The following JPT1 variants were observed in gnomAD, a reference collection of about 807,000 sequenced individuals.
JPT1 encodes the protein androgen-regulated protein 2.
In JPT1, 5 loss-of-function variants were observed where a neutral mutation model predicts 17.0. The observed-to-expected ratio is 0.29, with a 90% CI of 0.15 to 0.62. JPT1 has a LOEUF of 0.62. Among genes scored for constraint, JPT1 ranks in the 20% least tolerant of loss-of-function variants. The probability of loss-of-function intolerance (pLI) is 0.85; values close to 1 mark genes in which losing one functional copy is unlikely to be tolerated. For synonymous variants in JPT1, 71 were observed against 73.6 expected (o/e 0.96, Z 0.18); for missense variants, 158 against 188.1 (o/e 0.84, Z 0.94).
chr17:75,137,737 TC>T (rs2074233655), intron 4 of JPT1, among the ~76,000 whole-genome samples: 1 of 137,702 alleles, frequency 7.3e-6, no homozygotes, highest in Non-Finnish European at 1.5e-5. Flanking sequence ...AACCTCTGCC[TC>T]CTGGGTTCAA....
chr17:75,150,750 A>G (rs2074532952), intron 1 of JPT1, among the ~76,000 whole-genome samples: 1 of 151,986 alleles, frequency 6.6e-6, no homozygotes, highest in Admixed American at 6.6e-5. Flanking sequence ...GAATATGGAA[A>G]GACTTTCTAA....
At chr17:75,142,874 G>A (rs1052130428) in intron 4 of JPT1, 11 of 411,160 alleles carry the variant, frequency 2.7e-5, no homozygotes, top group African/African-American at 4.3e-5. Context: ...ATATACATAC[G>A]TATATGAAAA....
At chr17:75,141,639 G>A (rs1455715005) in intron 4 of JPT1, among the ~76,000 whole-genome samples, 2 of 150,808 alleles carry the variant, frequency 1.3e-5, no homozygotes, top group Non-Finnish European at 3.0e-5. Context: ...GCGACAGAGT[G>A]AGACTCTCAA....
intron 1 of JPT1, 118 bp from the exon 2 acceptor site, chr17:75,148,789 C>A: frequency 8.5e-7 from 1 of 1,170,968 alleles, no homozygotes; most frequent in African/African-American, 1.5e-5. Flanking sequence ...ACCCCTACAA[C>A]AGATAGCTGC....
At chr17:75,146,423 G>A (rs1332428420) in intron 4 of JPT1, 1 of 402,818 alleles carries the variant, frequency 2.5e-6, no homozygotes, top group Non-Finnish European at 4.5e-6. Context: ...AAAGTGTTGA[G>A]ATTACAGGCG....
chr17:75,151,541 G>A (rs532596600), intron 1 of JPT1, among the ~76,000 whole-genome samples: 6 of 152,036 alleles, frequency 3.9e-5, no homozygotes, highest in South Asian at 2.1e-4. Context: ...CTGTAGTCCC[G>A]ACTATTCAGG....
Position 75,154,410 on chromosome 17 carries a change from C to T in JPT1, c.-13G>A, listed in dbSNP as rs1327605506. ...TGGTTGTGGTCATGGCGCCGAGGAG[C>T]GAGGTAGGCTGGCGCCGGAGCAGAA... On this transcript the variant is annotated 5_prime_UTR_variant, in exon 1 of 5. Transcript: ENST00000409753. The T allele has an allele frequency of 2.6e-6, 4 of 1,547,730 alleles. No homozygotes were observed. Among genetic ancestry groups the T allele is most frequent in the Non-Finnish European group, 2.6e-6 (3 of 1,145,594 alleles).
At chr17:75,150,757 C>G (rs1209833191) in intron 1 of JPT1, among the ~76,000 whole-genome samples, 1 of 151,282 alleles carries the variant, frequency 6.6e-6, no homozygotes. Context: ...GAAAGACTTT[C>G]TAACTACTGA....
intron 4 of JPT1, among the ~76,000 whole-genome samples, chr17:75,139,066 C>T (rs531234548): frequency 2.0e-5 from 3 of 152,170 alleles, no homozygotes; most frequent in Non-Finnish European, 1.5e-5. Flanking sequence ...AGATCAAATG[C>T]ACTGGATCAG....
intron 4 of JPT1, among the ~76,000 whole-genome samples, chr17:75,140,810 G>A (rs1211133123): frequency 6.6e-6 from 1 of 152,044 alleles, no homozygotes. Context: ...TACAAAAATT[G>A]GCCAAGCACG....
Position 75,135,922 on chromosome 17 carries a change from G to A in JPT1, c.*180C>T. On this transcript the variant is annotated 3_prime_UTR_variant, in exon 5 of 5. Coordinates refer to ENST00000409753, the MANE Select transcript of JPT1 (RefSeq NM_016185.4). ...GAAAACACTCATGCCATGGCCCACAGACCCAAGAGTCAAGGACAGAGAGAA... is the reference window on the plus strand; with the variant it reads ...GAAAACACTCATGCCATGGCCCACAAACCCAAGAGTCAAGGACAGAGAGAA... 7.3e-7 allele frequency: 1 copy of A among 1,370,814 alleles called. No individual in the cohort carries two copies. Among genetic ancestry groups the A allele is most frequent in the Non-Finnish European group, 1.0e-6 (1 of 1,002,804 alleles). 84.9% of individuals were successfully genotyped at this position (1,370,814 alleles called of 1,614,324 possible). A position where few individuals can be genotyped will look rare whatever the true frequency, so the allele number is the denominator to read the frequency against.
intron 2 of JPT1, 45 bp downstream of exon 2, chr17:75,148,484 G>C (rs564125948): frequency 4.4e-6 from 7 of 1,602,408 alleles, no homozygotes; most frequent in Non-Finnish European, 4.3e-6. Context: ...GGCTGTTGAT[G>C]CTGGGCCCAT....
chr17:75,138,351 A>G (rs1444342090), intron 4 of JPT1: 1 of 152,140 alleles, frequency 6.6e-6, no homozygotes, highest in Non-Finnish European at 1.5e-5. Flanking sequence ...AATATTTCAT[A>G]GAATCCCTTT....
Position 75,139,933 on chromosome 17 carries a change from CTTTGA to C in JPT1, c.317-3688_317-3684del, listed in dbSNP as rs573331033. Among the ~76,000 whole-genome samples, 279 of 152,160 alleles carry C rather than the reference CTTTGA, an allele frequency of 1.8e-3. 1 individual carries two copies. The highest frequency in any genetic ancestry group is 6.1e-3 in the African/African-American group (255 of 41,520). Reference sequence around the variant, plus strand: ...GGAATTGAGAGTAAGTGTTCAGAAACTTTGATTTATTTTTTCAGATGGAGTCTCTC... The same window carrying C: ...GGAATTGAGAGTAAGTGTTCAGAAACTTTATTTTTTCAGATGGAGTCTCTC... On this transcript the variant is annotated intron_variant, in intron 4 of 4. Transcript: ENST00000409753.
intron 4 of JPT1, among the ~76,000 whole-genome samples, chr17:75,137,528 GT>G (rs1555650493): frequency 0.031 from 4,159 of 133,176 alleles, 168 homozygotes; most frequent in African/African-American, 0.13. Context: ...GGCTATTTTT[GT>G]TTTTTTTTTT....
chr17:75,146,516 C>T lies in JPT1; in HGVS notation c.316+150G>A, dbSNP rs183084961. 6.7e-5 allele frequency: 40 copies of T among 596,276 alleles called. No homozygotes were observed. The Admixed American group carries it at 8.9e-4, about 13-fold the overall frequency. The allele number at this position is 596,276 out of a possible 1,614,324, so 36.9% of individuals were successfully genotyped here. On this transcript the variant is annotated intron_variant, in intron 4 of 4. Coordinates refer to ENST00000409753, the MANE Select transcript of JPT1 (RefSeq NM_016185.4). ...TCTATTATGTTTCTAGCATTGATCG[C>T]GTTACTGGCAGATTAGAGTATGGCG... is the stretch of plus-strand genomic sequence containing the variant.
At chr17:75,152,222 A>G (rs2074565578) in intron 1 of JPT1, among the ~76,000 whole-genome samples, 1 of 152,220 alleles carries the variant, frequency 6.6e-6, no homozygotes, top group Non-Finnish European at 1.5e-5. Flanking sequence ...AGAATCATAC[A>G]CGACAACTAA....
chr17:75,150,859 T>TTTTTTTTTTTTTTTTTTTTTTGTTTTG (rs2074537720), intron 1 of JPT1, among the ~76,000 whole-genome samples: 2 of 140,194 alleles, frequency 1.4e-5, no homozygotes, highest in Non-Finnish European at 3.1e-5. Context: ...TTTTTTTTTT[T>TTTTTTTTTTTTTTTTTTTTTTGTTTTG]TTTTTTTTTT....
intron 4 of JPT1, among the ~76,000 whole-genome samples, chr17:75,140,442 A>G (rs1243390903): frequency 6.6e-6 from 1 of 152,168 alleles, no homozygotes; most frequent in Non-Finnish European, 1.5e-5. Flanking sequence ...ACTGGAAGAA[A>G]TGTAGCCGAC....
Sources: gnomAD v4.1 joint callset for allele counts (sites outside exome capture counted in the v4.1 genomes callset) on GRCh38, gnomAD v4.1.1 for gene constraint, MANE v1.5 for transcripts, NCBI Gene and HGNC (gene_info 2026-07-23, HGNC 2026-07-21) for gene names.